DIS3L2: variants seen among roughly 807,000 people sequenced by gnomAD.
DIS3L2 encodes the protein DIS3 like 3'-5' exoribonuclease 2.
In DIS3L2, 34 loss-of-function variants were observed where a neutral mutation model predicts 97.5. The ratio of observed to expected loss-of-function variants is 0.35; its 90% confidence interval spans 0.27 to 0.46. DIS3L2 has a LOEUF of 0.46. Ranked by LOEUF, DIS3L2 falls within the 20% of genes least tolerant of loss-of-function variation. The pLI is 1.00. For synonymous variants in DIS3L2, 435 were observed against 445.2 expected (o/e 0.98, Z 0.29); for missense variants, 1,038 against 1,146.0 (o/e 0.91, Z 1.36).
Position 232,014,861 on chromosome 2 carries a change from G to A in DIS3L2, c.-67G>A, listed in dbSNP as rs886055768. The A allele has an allele frequency of 1.9e-5, 30 of 1,548,884 alleles. No individual in the cohort carries two copies. Among genetic ancestry groups the A allele is most frequent in the South Asian group, 1.8e-4 (16 of 88,004 alleles). ...GAATGACAACAGAGCTGCTCAAGGC[G>A]GGAACTCTGAGCTAAGCAGTGGAGG... On this transcript the variant is annotated 5_prime_UTR_variant, in exon 2 of 21. Transcript: ENST00000325385.
At chr2:232,225,511 A>C (rs1692621044) in intron 10 of DIS3L2, among the ~76,000 whole-genome samples, 1 of 152,174 alleles carries the variant, frequency 6.6e-6, no homozygotes, top group Non-Finnish European at 1.5e-5. Flanking sequence ...AAATACAAAG[A>C]AAGGTGAAAC....
At chr2:232,089,554 CTAAG>C (rs1559617577) in intron 6 of DIS3L2, among the ~76,000 whole-genome samples, 1 of 152,194 alleles carries the variant, frequency 6.6e-6, no homozygotes. Context: ...AACCAGGACT[CTAAG>C]TAGCCAAATC....
At chr2:232,121,252 A>G (rs996909792) in intron 6 of DIS3L2, among the ~76,000 whole-genome samples, 4 of 152,108 alleles carry the variant, frequency 2.6e-5, no homozygotes, top group African/African-American at 9.7e-5. Context: ...TTCCCTATTG[A>G]AATACTTTCT....
At chr2:232,340,005 G>C (rs1696070142), downstream of DIS3L2, among the ~76,000 whole-genome samples, 1 of 152,188 alleles carries the variant, frequency 6.6e-6, no homozygotes, top group Non-Finnish European at 1.5e-5. Flanking sequence ...AAGAGCCAGG[G>C]GTGGCCCTGG....
intron 10 of DIS3L2, among the ~76,000 whole-genome samples, chr2:232,224,807 C>T (rs957000438): frequency 6.7e-6 from 1 of 149,802 alleles, no homozygotes; most frequent in Non-Finnish European, 1.5e-5. Context: ...CACTGCATTC[C>T]AGCCTGGGCA....
intron 5 of DIS3L2, among the ~76,000 whole-genome samples, chr2:232,066,879 G>T (rs2106282213): frequency 6.6e-6 from 1 of 152,000 alleles, no homozygotes. Context: ...TCATTTAGGG[G>T]ACTTATTCAT....
chr2:232,338,019 C>G (rs1251365387), downstream of DIS3L2, among the ~76,000 whole-genome samples: 1 of 150,986 alleles, frequency 6.6e-6, no homozygotes, highest in Non-Finnish European at 1.5e-5. Context: ...GAACCTTCTC[C>G]TGGAGCCAAG....
chr2:232,301,135 A>C (rs1694845056), intron 14 of DIS3L2, among the ~76,000 whole-genome samples: 1 of 152,190 alleles, frequency 6.6e-6, no homozygotes, highest in Non-Finnish European at 1.5e-5. Flanking sequence ...TTTAATCTTC[A>C]TAACAACCCC....
intron 9 of DIS3L2, among the ~76,000 whole-genome samples, chr2:232,206,339 C>T (rs1692024999): frequency 6.6e-6 from 1 of 152,124 alleles, no homozygotes; most frequent in African/African-American, 2.4e-5. Flanking sequence ...TGATCTAAAA[C>T]AGGGGTCAGC....
chr2:232,127,249 CAT>C (rs1481510231), intron 6 of DIS3L2, among the ~76,000 whole-genome samples: 2 of 152,192 alleles, frequency 1.3e-5, no homozygotes, highest in Non-Finnish European at 1.5e-5. Flanking sequence ...TTAAAAGTCT[CAT>C]ATGTGACCTA....
chr2:232,037,220 CA>C lies in DIS3L2; in HGVS notation c.366+7141del, dbSNP rs1694975787. ...CTGACTGGGGCTGCTGCCTTTCTTT[CA>C]GAGATGCCCTATCCAGAGAGAAGGA... On this transcript the variant is annotated intron_variant, in intron 5 of 20. Coordinates refer to ENST00000325385, the MANE Select transcript of DIS3L2 (RefSeq NM_152383.5). The surrounding 1 kb of genome is among the most constrained non-coding windows in gnomAD (Gnocchi z 4.6). Among the ~76,000 whole-genome samples the C allele has an allele frequency of 6.6e-6, 1 of 152,198 alleles. No individual in the cohort carries two copies. The highest frequency in any genetic ancestry group is 2.4e-5 in the African/African-American group (1 of 41,456).
intron 18 of DIS3L2, 52 bp downstream of exon 18, chr2:232,334,551 T>A (rs778864355): frequency 6.2e-7 from 1 of 1,608,330 alleles, no homozygotes; most frequent in African/African-American, 1.3e-5. Flanking sequence ...CCGACCCTCC[T>A]GGGCACCTGC....
At chr2:232,308,524 C>G (rs1296308780) in intron 14 of DIS3L2, among the ~76,000 whole-genome samples, 2 of 152,206 alleles carry the variant, frequency 1.3e-5, no homozygotes, top group Admixed American at 6.5e-5. Flanking sequence ...CATCATTAAA[C>G]TTACTAGCTG....
intron 13 of DIS3L2, among the ~76,000 whole-genome samples, chr2:232,272,336 CA>C (rs1694029109): frequency 6.6e-6 from 1 of 152,096 alleles, no homozygotes; most frequent in Non-Finnish European, 1.5e-5. Flanking sequence ...GCTGCTTCAG[CA>C]ATTTGAGAAC....
At chr2:232,072,783 G>GGGGGGT (rs1401996898) in intron 5 of DIS3L2, among the ~76,000 whole-genome samples, 18 of 139,906 alleles carry the variant, frequency 1.3e-4, no homozygotes, top group African/African-American at 3.9e-4. Flanking sequence ...TGGGATGTGG[G>GGGGGGT]GTGTGTGTGT....
At chr2:232,326,350 G>C (rs1695573495) in intron 14 of DIS3L2, among the ~76,000 whole-genome samples, 1 of 141,704 alleles carries the variant, frequency 7.1e-6, no homozygotes, top group South Asian at 2.6e-4. Flanking sequence ...GGTCCCATTT[G>C]CAATGGCGAA....
chr2:232,024,601 G>A (rs1415389854), intron 4 of DIS3L2, among the ~76,000 whole-genome samples: 1 of 152,174 alleles, frequency 6.6e-6, no homozygotes, highest in Non-Finnish European at 1.5e-5. Context: ...CCACCAGTTC[G>A]TGTAACTGGA....
downstream of DIS3L2, among the ~76,000 whole-genome samples, chr2:232,340,288 C>T (rs1412333546): frequency 1.3e-5 from 2 of 152,212 alleles, no homozygotes; most frequent in Non-Finnish European, 1.5e-5. Flanking sequence ...GCAGCAGCAA[C>T]AGCTGGAACT....
At chr2:232,279,055 A>G (rs966325911) in intron 13 of DIS3L2, among the ~76,000 whole-genome samples, 1 of 152,210 alleles carries the variant, frequency 6.6e-6, no homozygotes, top group Non-Finnish European at 1.5e-5. Context: ...CTCCTGCCTC[A>G]GCCTCCTGAG....
Sources: allele counts gnomAD v4.1 joint callset (sites outside exome capture counted in the v4.1 genomes callset), GRCh38; gene constraint gnomAD v4.1.1; non-coding constraint Gnocchi (gnomAD v3.1); transcripts MANE v1.5; gene names NCBI Gene and HGNC (gene_info 2026-07-23, HGNC 2026-07-21).